The following ZMYM2 variants were observed in gnomAD, a reference collection of about 807,000 sequenced individuals.
The protein encoded by ZMYM2 is zinc finger MYM-type containing 2.
ZMYM2 carries 56 observed loss-of-function variants against 162.8 expected under a neutral mutation model. That is an observed-to-expected ratio of 0.34 (90% CI 0.28 to 0.43). The LOEUF (loss-of-function observed/expected upper bound fraction) is 0.43, where lower values mean the gene tolerates loss of function less well. Among genes scored for constraint, ZMYM2 ranks in the 20% least tolerant of loss-of-function variants. The pLI is 1.00. For missense variants in ZMYM2, 1,275 were observed against 1,621.8 expected (o/e 0.79, Z 3.67); for synonymous variants, 510 against 541.6 (o/e 0.94, Z 0.81).
chr13:19,902,541 G>A, the ZMYM2 span, among the ~76,000 whole-genome samples: 1 of 151,904 alleles, frequency 6.6e-6, no homozygotes, highest in Non-Finnish European at 1.5e-5. Context: ...GCTTGAACCC[G>A]GGAGGCAGAG....
the ZMYM2 span, among the ~76,000 whole-genome samples, chr13:19,944,355 T>C: frequency 6.6e-6 from 1 of 152,252 alleles, no homozygotes; most frequent in African/African-American, 2.4e-5. Flanking sequence ...CACTGTAATC[T>C]GACTCTGTTA....
chr13:20,050,179 A>G (rs1056565258), intron 12 of ZMYM2, among the ~76,000 whole-genome samples: 17 of 151,980 alleles, frequency 1.1e-4, no homozygotes, highest in African/African-American at 3.9e-4. Context: ...AATTTATACT[A>G]TAAATCTTCA....
At chr13:20,069,024 A>G (rs867136028) in intron 21 of ZMYM2, among the ~76,000 whole-genome samples, 9 of 152,118 alleles carry the variant, frequency 5.9e-5, no homozygotes. Context: ...ACTGATCTCT[A>G]GTCTACCTAG....
chr13:19,866,054 T>TTA, the ZMYM2 span, among the ~76,000 whole-genome samples: 1 of 151,924 alleles, frequency 6.6e-6, no homozygotes, highest in Non-Finnish European at 1.5e-5. Flanking sequence ...AGATTTTTTT[T>TTA]TTTTGAGAAT....
At position 19,964,633 on chromosome 13, in the gene ZMYM2, GTTTA is replaced by G. The variant is rs1296603177; in HGVS notation, c.-11+4610_-11+4613del. Among the ~76,000 whole-genome samples the G allele has an allele frequency of 3.3e-5, 5 of 151,842 alleles. No homozygotes were observed. In the East Asian group the frequency reaches 7.7e-4, roughly 23 times the overall value. On this transcript the variant is annotated intron_variant, in intron 2 of 24. Coordinates refer to ENST00000610343, the MANE Select transcript of ZMYM2 (RefSeq NM_197968.4). The stretch of plus-strand genomic sequence containing the variant: ...TAGTATAAGTTATCATCTTGTTTTT[GTTTA>G]TTCTTAATTTAGACCGTTCTCTTTA...
chr13:19,949,621 G>A, the ZMYM2 span, among the ~76,000 whole-genome samples: 2 of 151,860 alleles, frequency 1.3e-5, no homozygotes, highest in Non-Finnish European at 2.9e-5. Context: ...GGGCGAGGTG[G>A]CTCACTCCTG....
At chr13:19,985,625 C>A (rs1260354662) in intron 2 of ZMYM2, among the ~76,000 whole-genome samples, 1 of 151,712 alleles carries the variant, frequency 6.6e-6, no homozygotes, top group Non-Finnish European at 1.5e-5. Flanking sequence ...TTGCTTGAAT[C>A]CAGGAGACAG....
the ZMYM2 span, among the ~76,000 whole-genome samples, chr13:19,874,410 T>C: frequency 1.3e-5 from 2 of 151,990 alleles, no homozygotes; most frequent in Non-Finnish European, 2.9e-5. Flanking sequence ...ATTTATTTAT[T>C]TTTAGAGATG....
chr13:20,021,903 C>CCAT (rs1421932154), intron 7 of ZMYM2, among the ~76,000 whole-genome samples: 2 of 152,106 alleles, frequency 1.3e-5, no homozygotes, highest in Admixed American at 1.3e-4. Context: ...TTGTGCAGCT[C>CCAT]CATCATCATC....
At chr13:19,929,285 T>G in the ZMYM2 span, among the ~76,000 whole-genome samples, 1 of 151,996 alleles carries the variant, frequency 6.6e-6, no homozygotes, top group African/African-American at 2.4e-5. Context: ...GTCGCCCAGG[T>G]TGGAGTGCAG....
intron 3 of ZMYM2, 64 bp downstream of exon 3, chr13:19,993,983 C>A: frequency 6.5e-7 from 1 of 1,528,330 alleles, no homozygotes; most frequent in Non-Finnish European, 8.8e-7. Context: ...CTGCTTTTTT[C>A]ATTGTAGTAA....
chr13:20,088,930 G>A lies in ZMYM2; in HGVS notation c.*2916G>A. On this transcript the variant is annotated 3_prime_UTR_variant, in exon 25 of 25. Transcript: ENST00000610343. ...TTTAATCTGAGATCTTAAATATCTT[G>A]CAGCCTTAAATCACTACAAACATTT... 5.1e-6 allele frequency: 1 copy of A among 197,634 alleles called. No individual in the cohort carries two copies. 12.2% of individuals were successfully genotyped at this position (197,634 alleles called of 1,614,324 possible).
chr13:20,024,900 C>G (rs913683708), intron 7 of ZMYM2: 1 of 215,796 alleles, frequency 4.6e-6, no homozygotes, highest in Non-Finnish European at 9.3e-6. Flanking sequence ...GTTGATATTT[C>G]AGTAAATGAG....
chr13:20,040,675 G>T (rs1468294369), intron 12 of ZMYM2, among the ~76,000 whole-genome samples: 1 of 152,110 alleles, frequency 6.6e-6, no homozygotes, highest in Non-Finnish European at 1.5e-5. Context: ...TGGTTCTCTA[G>T]TTCTTTTAGT....
chr13:20,053,257 G>A lies in ZMYM2; in HGVS notation c.2493+946G>A, dbSNP rs542346076. On this transcript the variant is annotated intron_variant, in intron 14 of 24. Transcript: ENST00000610343. ...AAGTCTCTGGGCTAGTTCTTGTTGT[G>A]TTACAAAAGAACAGATTAGTGGTTC... is the stretch of plus-strand genomic sequence containing the variant. 4.6e-5 allele frequency among the ~76,000 whole-genome samples: 7 copies of A among 152,268 alleles called. No homozygotes were observed. In the South Asian group the frequency reaches 1.5e-3, roughly 32 times the overall value.
intron 2 of ZMYM2, among the ~76,000 whole-genome samples, chr13:19,965,991 C>T (rs745944510): frequency 6.6e-6 from 1 of 151,916 alleles, no homozygotes; most frequent in Non-Finnish European, 1.5e-5. Flanking sequence ...TGTTGGCCAG[C>T]TGGTTTTGAA....
intron 4 of ZMYM2, 50 bp from the exon 5 acceptor site, chr13:20,005,019 CTTATA>C (rs1231042541): frequency 2.2e-5 from 32 of 1,448,744 alleles, no homozygotes; most frequent in Non-Finnish European, 2.9e-5. Flanking sequence ...ACTTATGACT[CTTATA>C]TTTGATTTCT....
chr13:19,959,466 G>T (rs1002211957), intron 1 of ZMYM2, among the ~76,000 whole-genome samples: 2 of 152,106 alleles, frequency 1.3e-5, no homozygotes, highest in African/African-American at 4.8e-5. Flanking sequence ...AATGGCGGAC[G>T]GGGAGGCAGC....
intron 2 of ZMYM2, among the ~76,000 whole-genome samples, chr13:19,980,009 ATC>A (rs1957173239): frequency 6.6e-6 from 1 of 151,814 alleles, no homozygotes; most frequent in African/African-American, 2.4e-5. Flanking sequence ...TTGTTATTTC[ATC>A]TGTTTTTTTT....
Sources: gnomAD v4.1 joint callset for allele counts (sites outside exome capture counted in the v4.1 genomes callset) on GRCh38, gnomAD v4.1.1 for gene constraint, MANE v1.5 for transcripts, NCBI Gene and HGNC (gene_info 2026-07-23, HGNC 2026-07-21) for gene names.